The following DOCK9 variants were observed in gnomAD, a reference collection of about 807,000 sequenced individuals.
DOCK9 encodes the protein dedicator of cytokinesis 9, also known as dedicator of cytokinesis protein 9.
A neutral mutation model predicts 263.3 loss-of-function variants in DOCK9; 89 were observed. The observed-to-expected ratio is 0.34, with a 90% CI of 0.28 to 0.40. The LOEUF is 0.40. Ranked by LOEUF, DOCK9 falls within the 10% of genes least tolerant of loss-of-function variation. The pLI, the probability that DOCK9 is intolerant of heterozygous loss-of-function variation, is 1.00. For missense variants in DOCK9, 2,140 were observed against 2,603.4 expected (o/e 0.82, Z 3.87); for synonymous variants, 976 against 973.1 (o/e 1.00, Z -0.06).
At chr13:99,072,500 T>C (rs754970258) in intron 1 of DOCK9, among the ~76,000 whole-genome samples, 4 of 152,182 alleles carry the variant, frequency 2.6e-5, no homozygotes, top group Non-Finnish European at 5.9e-5. Flanking sequence ...CTGATGAAAC[T>C]GAGGGAAACT....
rs144772980 is a variant in DOCK9, at chr13:98,895,980, C to T, written c.1709+1508G>A. Among the ~76,000 whole-genome samples the T allele has an allele frequency of 1.6e-3, 246 of 152,286 alleles. 2 individuals are homozygous for T. Among genetic ancestry groups the T allele is most frequent in the South Asian group, 6.0e-3 (29 of 4,814 alleles). On this transcript the variant is annotated intron_variant, in intron 15 of 52. Transcript: ENST00000682017. ...TATATGGTCCAGGAACCCTGGAAGG[C>T]TAACCCAGCAGGCCTCATCCTTCAC...
chr13:98,966,870 C>G (rs1297676068), intron 1 of DOCK9, among the ~76,000 whole-genome samples: 1 of 152,170 alleles, frequency 6.6e-6, no homozygotes. Context: ...TTCATTACAT[C>G]AGTACAATGG....
rs150063087 is a variant in DOCK9 at position 98,822,762 on chromosome 13, A to C, written c.5130+1636T>G. On this transcript the variant is annotated intron_variant, in intron 45 of 52. Transcript: ENST00000682017. ...GAACTGTTAAAACCACGTAATAACCAATCTATTTCTTTTTTTGTAGGATAC... is the reference window on the plus strand; with the variant it reads ...GAACTGTTAAAACCACGTAATAACCCATCTATTTCTTTTTTTGTAGGATAC... Among the ~76,000 whole-genome samples, 143 of 152,324 alleles carry C rather than the reference A, an allele frequency of 9.4e-4. 2 individuals are homozygous for C. The highest frequency in any genetic ancestry group is 3.3e-3 in the African/African-American group (137 of 41,572).
intron 1 of DOCK9, among the ~76,000 whole-genome samples, chr13:99,031,075 CAT>C (rs952375783): frequency 1.3e-3 from 198 of 151,926 alleles, no homozygotes; most frequent in African/African-American, 4.5e-3. Context: ...AAATTAACAA[CAT>C]AGACTTTATA....
intron 2 of DOCK9, chr13:98,949,943 G>A: frequency 2.1e-6 from 1 of 486,238 alleles, no homozygotes; most frequent in South Asian, 1.6e-5. Context: ...CAATTGCTGT[G>A]CTGTCTGTCA....
At chr13:98,880,437 G>A (rs2142632553) in intron 26 of DOCK9, 110 bp downstream of exon 26, 1 of 1,408,166 alleles carries the variant, frequency 7.1e-7, no homozygotes, top group East Asian at 2.4e-5. Flanking sequence ...CCCTTTTTAG[G>A]GAGTGGTGTT....
chr13:98,809,605 G>T, intron 46 of DOCK9, 140 bp from the exon 47 acceptor site: 2 of 681,850 alleles, frequency 2.9e-6, no homozygotes, highest in Non-Finnish European at 4.8e-6. Flanking sequence ...TGCACAACTT[G>T]TAGTGATCAT....
intron 1 of DOCK9, among the ~76,000 whole-genome samples, chr13:99,084,425 G>A (rs779979492): frequency 7.2e-5 from 11 of 152,180 alleles, no homozygotes; most frequent in Non-Finnish European, 1.3e-4. Context: ...ACAGACAGAC[G>A]AGACTAAGAG....
intron 27 of DOCK9, among the ~76,000 whole-genome samples, chr13:98,868,888 C>T (rs1307189842): frequency 6.6e-6 from 1 of 152,172 alleles, no homozygotes. Flanking sequence ...AAAACTGGAA[C>T]CTCAAACTTC....
chr13:98,977,145 T>C (rs149374706), intron 1 of DOCK9, among the ~76,000 whole-genome samples: 7 of 152,282 alleles, frequency 4.6e-5, no homozygotes, highest in African/African-American at 1.7e-4. Context: ...CAACCATTTT[T>C]CACATTCCTC....
At chr13:99,024,811 T>C (rs1032192796) in intron 1 of DOCK9, among the ~76,000 whole-genome samples, 6 of 152,192 alleles carry the variant, frequency 3.9e-5, no homozygotes, top group Admixed American at 3.3e-4. Flanking sequence ...GGAGGGGAAG[T>C]GCAATTTTTC....
At chr13:98,865,689 T>C (rs1459916241) in intron 30 of DOCK9, among the ~76,000 whole-genome samples, 1 of 152,180 alleles carries the variant, frequency 6.6e-6, no homozygotes, top group Non-Finnish European at 1.5e-5. Flanking sequence ...CCCTGGGCTC[T>C]GTACCAGGTG....
intron 1 of DOCK9, among the ~76,000 whole-genome samples, chr13:98,973,413 G>A (rs575535295): frequency 1.3e-5 from 2 of 152,300 alleles, no homozygotes; most frequent in South Asian, 4.1e-4. Context: ...GTACTGGTGT[G>A]TCCAACCAGA....
intron 27 of DOCK9, among the ~76,000 whole-genome samples, chr13:98,874,555 C>T (rs2142336097): frequency 6.6e-6 from 1 of 152,296 alleles, no homozygotes; most frequent in South Asian, 2.1e-4. Context: ...GAATAATCTC[C>T]CTTACTCATT....
chr13:98,917,643 T>C (rs1319463763), intron 7 of DOCK9, among the ~76,000 whole-genome samples: 2 of 113,346 alleles, frequency 1.8e-5, no homozygotes, highest in African/African-American at 5.8e-5. Context: ...CCTTTTTTTT[T>C]CTTTTTTTTT....
intron 39 of DOCK9, among the ~76,000 whole-genome samples, chr13:98,834,101 TTC>T (rs1186236009): frequency 1.6e-4 from 24 of 152,340 alleles, no homozygotes; most frequent in Admixed American, 5.2e-4. Context: ...TCTCTAGGAA[TTC>T]TCTGTCTTGG....
In DOCK9 at chr13:98,888,366, A is replaced by C. The variant is rs774985404; in HGVS notation, c.1971T>G (p.Phe657Leu). The change falls in exon 17 of 53, where the codon TTT (phenylalanine) becomes TTG (leucine). Residue 657 changes from phenylalanine to leucine, a missense_variant. By Grantham distance (22) the Phe-to-Leu change is conservative. Coordinates refer to ENST00000682017, the MANE Select transcript of DOCK9 (RefSeq NM_001366683.2). ...KYLKYDSQKSFAKARNIAICI... is the reference protein window; with the variant it reads ...KYLKYDSQKSLAKARNIAICI... ...CCTCCATCTTCACACTCACCTTGGC[A>C]AAAGACTTCTGACTGTCGTATTTCA... 6.2e-7 allele frequency: 1 copy of C among 1,612,696 alleles called. No homozygotes were observed. The highest frequency in any genetic ancestry group is 1.7e-5 in the Admixed American group (1 of 59,926).
chr13:98,800,419 C>G lies in DOCK9; in HGVS notation c.5785G>C (p.Asp1929His). 1 of 1,613,998 alleles carries G rather than the reference C, an allele frequency of 6.2e-7. No homozygotes were observed. The highest frequency in any genetic ancestry group is 8.5e-7 in the Non-Finnish European group (1 of 1,179,894). The change falls in exon 50 of 53, where the codon GAC becomes CAC. Residue 1929 changes from aspartate to histidine, a missense_variant. Asp to His is a moderately conservative substitution (Grantham distance 81). This residue lies in a region of DOCK9 where 619 missense variants were observed against 861.8 expected (regional missense o/e 0.72). Coordinates refer to ENST00000682017, the MANE Select transcript of DOCK9 (RefSeq NM_001366683.2). Reference protein sequence around the residue: ...RIPVMYQHHTDLNPIEVAIDE... With the variant: ...RIPVMYQHHTHLNPIEVAIDE... ...ATGGCCACCTCGATGGGGTTCAGGT[C>G]AGTGTGGTGCTGGTACATGACAGGG...
intron 1 of DOCK9, among the ~76,000 whole-genome samples, chr13:98,972,813 G>C (rs552574494): frequency 6.6e-6 from 1 of 152,334 alleles, no homozygotes; most frequent in East Asian, 1.9e-4. Context: ...GCCTGATAAA[G>C]ATCACATGAA....
Sources: gnomAD v4.1 joint callset for allele counts (sites outside exome capture counted in the v4.1 genomes callset) on GRCh38, gnomAD v4.1.1 for gene constraint, gnomAD v4.1.1 regional missense constraint, MANE v1.5 for transcripts, NCBI Gene and HGNC (gene_info 2026-07-23, HGNC 2026-07-21) for gene names.